Variants in EDNRA observed in about 807,000 individuals in gnomAD.
EDNRA encodes the protein endothelin-1 receptor.
Under a neutral mutation model 41.4 loss-of-function variants are expected in EDNRA, and 11 were observed. That is an observed-to-expected ratio of 0.27 (90% CI 0.17 to 0.44). The LOEUF (loss-of-function observed/expected upper bound fraction) is 0.44, where lower values mean the gene tolerates loss of function less well. Ranked by LOEUF, EDNRA falls within the 20% of genes least tolerant of loss-of-function variation. The pLI is 1.00. For synonymous variants in EDNRA, 172 were observed against 183.0 expected (o/e 0.94, Z 0.49); for missense variants, 294 against 531.0 (o/e 0.55, Z 4.39).
chr4:147,533,975 C>CT (rs886673499), intron 4 of EDNRA, among the ~76,000 whole-genome samples: 29 of 152,322 alleles, frequency 1.9e-4, no homozygotes, highest in African/African-American at 6.7e-4. Flanking sequence ...GTCCTGTTCT[C>CT]TTTTTCTAAA....
At chr4:147,540,296 C>T (rs2126487968) in intron 6 of EDNRA, 81 bp from the exon 7 acceptor site, 4 of 1,172,186 alleles carry the variant, frequency 3.4e-6, no homozygotes, top group Non-Finnish European at 4.8e-6. Context: ...AAGAAAAATG[C>T]TTATTCTAGG....
intron 3 of EDNRA, among the ~76,000 whole-genome samples, chr4:147,526,155 C>A (rs962420185): frequency 6.6e-6 from 1 of 152,218 alleles, no homozygotes; most frequent in Non-Finnish European, 1.5e-5. Flanking sequence ...TGTTCACTAT[C>A]GTACTGAGTT....
At chr4:147,491,761 T>A (rs1729146056) in intron 2 of EDNRA, 1 of 152,346 alleles carries the variant, frequency 6.6e-6, no homozygotes, top group South Asian at 2.1e-4. Flanking sequence ...ACTTTTCTCA[T>A]GTACTCCAAG....
Position 147,539,894 on chromosome 4 carries a change from T to C in EDNRA, c.978T>C (p.Arg326=), listed in dbSNP as rs1731039763. The change falls in exon 6 of 8, where the codon CGT becomes CGC. Residue 326 remains arginine, a synonymous_variant. Transcript: ENST00000651419. Reference sequence around the variant, plus strand: ...GCTGGTTCCCTCTTCATTTAAGCCGTATATTGAAGAAAACTGTGTATAACG... The same window carrying C: ...GCTGGTTCCCTCTTCATTTAAGCCGCATATTGAAGAAAACTGTGTATAACG... ...ALCWFPLHLS[R]ILKKTVYNEM... 2 of 1,613,492 alleles carry C rather than the reference T, an allele frequency of 1.2e-6. No homozygotes were observed. The highest frequency in any genetic ancestry group is 1.7e-5 in the Admixed American group (1 of 59,854).
intron 2 of EDNRA, among the ~76,000 whole-genome samples, chr4:147,510,745 C>T (rs146741664): frequency 6.6e-6 from 1 of 152,254 alleles, no homozygotes; most frequent in Non-Finnish European, 1.5e-5. Flanking sequence ...GTGGGATTCT[C>T]CAAGTTCTGA....
rs143578300 is a variant in EDNRA at position 147,499,493 on chromosome 4, CT to C, written c.420+13393del. ...AGTTACAACAACCAAGATCTATTGT[CT>C]CTTCGTTGTCTCGATTTATGTTAGT... On this transcript the variant is annotated intron_variant, in intron 2 of 7. Coordinates refer to ENST00000651419, the MANE Select transcript of EDNRA (RefSeq NM_001957.4). Among the ~76,000 whole-genome samples, 520 of 152,318 alleles carry C rather than the reference CT, an allele frequency of 3.4e-3. 3 individuals are homozygous for C. The highest frequency in any genetic ancestry group is 0.012 in the African/African-American group (492 of 41,566).
intron 3 of EDNRA, among the ~76,000 whole-genome samples, chr4:147,528,142 T>C (rs771904600): frequency 6.6e-6 from 1 of 152,176 alleles, no homozygotes; most frequent in Admixed American, 6.5e-5. Flanking sequence ...TGACTGATTC[T>C]TCACCAGAAT....
intron 5 of EDNRA, 112 bp from the exon 6 acceptor site, chr4:147,539,705 C>G (rs1354024455): frequency 2.7e-5 from 34 of 1,279,724 alleles, no homozygotes; most frequent in Non-Finnish European, 3.7e-5. Flanking sequence ...TCTCCTGGCT[C>G]TTCTTTGAAT....
At chr4:147,518,097 C>T (rs1212841916) in intron 2 of EDNRA, among the ~76,000 whole-genome samples, 1 of 152,160 alleles carries the variant, frequency 6.6e-6, no homozygotes. Context: ...ATAACCGTGC[C>T]TACACTGTTT....
At chr4:147,539,768 T>C (rs1731035129) in intron 5 of EDNRA, 49 bp from the exon 6 acceptor site, 3 of 1,587,014 alleles carry the variant, frequency 1.9e-6, no homozygotes, top group Admixed American at 1.8e-5. Flanking sequence ...TTGCATCTAG[T>C]ATAAAAACAC....
At chr4:147,534,605 A>G (rs1730858749) in intron 4 of EDNRA, among the ~76,000 whole-genome samples, 2 of 152,216 alleles carry the variant, frequency 1.3e-5, no homozygotes, top group African/African-American at 4.8e-5. Flanking sequence ...TAACACTTGT[A>G]TAATCTCAAA....
intron 2 of EDNRA, among the ~76,000 whole-genome samples, chr4:147,499,566 C>CT (rs1729436495): frequency 6.6e-6 from 1 of 152,188 alleles, no homozygotes; most frequent in Non-Finnish European, 1.5e-5. Flanking sequence ...AACCACAATT[C>CT]ACATGTTTTC....
At chr4:147,540,270 G>T in intron 6 of EDNRA, 107 bp from the exon 7 acceptor site, 1 of 976,822 alleles carries the variant, frequency 1.0e-6, no homozygotes, top group Non-Finnish European at 1.5e-6. Flanking sequence ...CCACCCATAC[G>T]AAATGGCTTC....
Position 147,481,110 on chromosome 4 carries a change from G to C in EDNRA, c.-337G>C, listed in dbSNP as rs199676011. On this transcript the variant is annotated 5_prime_UTR_variant, in exon 1 of 8. Coordinates refer to ENST00000651419, the MANE Select transcript of EDNRA (RefSeq NM_001957.4). The stretch of plus-strand genomic sequence containing the variant: ...GCGCGCGCGTACAGTCATCCCGCTG[G>C]TCTGACGATTGTGGAGAGGCGGTGG... 3.3e-5 allele frequency: 5 copies of C among 152,316 alleles called. No individual in the cohort carries two copies. The highest frequency in any genetic ancestry group is 7.2e-5 in the African/African-American group (3 of 41,478). 9.4% of individuals were successfully genotyped at this position (152,316 alleles called of 1,614,324 possible). A position where few individuals can be genotyped will look rare whatever the true frequency, so the allele number is the denominator to read the frequency against.
At chr4:147,502,801 T>C (rs990529731) in intron 2 of EDNRA, among the ~76,000 whole-genome samples, 1 of 152,222 alleles carries the variant, frequency 6.6e-6, no homozygotes, top group African/African-American at 2.4e-5. Context: ...TGTAGCTTTT[T>C]TGGAAATAAT....
intron 2 of EDNRA, chr4:147,492,481 A>G (rs1193535683): frequency 6.6e-6 from 1 of 152,210 alleles, no homozygotes; most frequent in Non-Finnish European, 1.5e-5. Flanking sequence ...AGCACATAAC[A>G]GCAAGATGAT....
At chr4:147,515,127 AC>A (rs1560906608) in intron 2 of EDNRA, among the ~76,000 whole-genome samples, 62 of 152,294 alleles carry the variant, frequency 4.1e-4, no homozygotes, top group African/African-American at 1.5e-3. Context: ...CTTAAAGACT[AC>A]TAATGCTTAT....
At chr4:147,506,668 C>G in intron 2 of EDNRA, 1 of 321,414 alleles carries the variant, frequency 3.1e-6, no homozygotes, top group Non-Finnish European at 6.1e-6. Context: ...TGAGGGAACT[C>G]TTAAATTGGT....
chr4:147,498,575 A>T (rs1729395972), intron 2 of EDNRA, among the ~76,000 whole-genome samples: 1 of 152,120 alleles, frequency 6.6e-6, no homozygotes, highest in African/African-American at 2.4e-5. Flanking sequence ...AGTAGTTTCA[A>T]CAGACACCAT....
Sources: allele counts gnomAD v4.1 joint callset (sites outside exome capture counted in the v4.1 genomes callset), GRCh38; gene constraint gnomAD v4.1.1; transcripts MANE v1.5; gene names NCBI Gene and HGNC (gene_info 2026-07-23, HGNC 2026-07-21).